PLXNA2: variants seen among roughly 807,000 people sequenced by gnomAD.
PLXNA2 encodes plexin-A2.
PLXNA2 carries 91 observed loss-of-function variants against 193.5 expected under a neutral mutation model. That is an observed-to-expected ratio of 0.47 (90% CI 0.40 to 0.56). PLXNA2 has a LOEUF of 0.56. Among genes scored for constraint, PLXNA2 ranks in the 20% least tolerant of loss-of-function variants. PLXNA2 has a pLI of 0.00. For missense variants in PLXNA2, 1,995 were observed against 2,503.2 expected (o/e 0.80, Z 4.33); for synonymous variants, 997 against 1,027.3 (o/e 0.97, Z 0.56).
chr1:208,180,738 G>T (rs1669816399), intron 3 of PLXNA2, among the ~76,000 whole-genome samples: 1 of 152,236 alleles, frequency 6.6e-6, no homozygotes, highest in South Asian at 2.1e-4. Flanking sequence ...AGTCTTCAGA[G>T]ATTTTGTCTG....
chr1:208,051,257 T>C lies in PLXNA2; in HGVS notation c.3160A>G (p.Ser1054Gly). The C allele has an allele frequency of 6.2e-7, 1 of 1,604,698 alleles. No homozygotes were observed. Among genetic ancestry groups the C allele is most frequent in the Non-Finnish European group, 8.5e-7 (1 of 1,173,644 alleles). Reference protein sequence around the residue: ...QRIEPEWSIASGHTPLTITGF... With the variant: ...QRIEPEWSIAGGHTPLTITGF... ...CATCCCTCCCACCTTCCACCTCACC[T>C]GGCAATGCTCCACTCTGGCTCGATG... Residue 1054 changes from serine (S) to glycine (G), a missense_variant and splice_region_variant, in exon 16 of 32, where the codon AGT (serine) becomes GGT (glycine). Coordinates refer to ENST00000367033, the MANE Select transcript of PLXNA2 (RefSeq NM_025179.4).
chr1:208,226,458 T>G (rs550193693), intron 1 of PLXNA2, among the ~76,000 whole-genome samples: 1 of 152,250 alleles, frequency 6.6e-6, no homozygotes, highest in South Asian at 2.1e-4. Flanking sequence ...ACTCACAGGC[T>G]ATAAAAGTTT....
At chr1:208,168,659 C>T (rs756980064) in intron 3 of PLXNA2, among the ~76,000 whole-genome samples, 2 of 149,696 alleles carry the variant, frequency 1.3e-5, no homozygotes, top group Non-Finnish European at 1.5e-5. Context: ...TTCAGCAGGC[C>T]CTCAGAGACT....
chr1:208,083,556 G>T (rs1423212482), intron 10 of PLXNA2, among the ~76,000 whole-genome samples: 1 of 151,904 alleles, frequency 6.6e-6, no homozygotes, highest in Non-Finnish European at 1.5e-5. Flanking sequence ...AAGCGCCTGT[G>T]ACCTGGGAAT....
intron 2 of PLXNA2, among the ~76,000 whole-genome samples, chr1:208,211,488 T>C (rs778445707): frequency 6.6e-6 from 1 of 152,108 alleles, no homozygotes; most frequent in Non-Finnish European, 1.5e-5. Context: ...AGTCAGGAGA[T>C]CGAGACCATT....
intron 22 of PLXNA2, 108 bp downstream of exon 22, chr1:208,041,990 T>C (rs542329095): frequency 1.9e-5 from 23 of 1,191,292 alleles, no homozygotes; most frequent in Non-Finnish European, 2.4e-5. Context: ...TGGGTGCCCC[T>C]TCTGGGGAGT....
intron 3 of PLXNA2, among the ~76,000 whole-genome samples, chr1:208,194,752 C>G (rs1446506292): frequency 2.0e-5 from 3 of 152,196 alleles, no homozygotes; most frequent in Non-Finnish European, 4.4e-5. Context: ...GCCCCTCCAT[C>G]TCCTTCTTTG....
intron 8 of PLXNA2, 80 bp downstream of exon 8, chr1:208,095,948 TA>T: frequency 9.0e-7 from 1 of 1,108,618 alleles, no homozygotes; most frequent in Non-Finnish European, 1.4e-6. Flanking sequence ...GTTCCTGCCC[TA>T]AAGGAGCTTA....
At chr1:208,051,837 A>G (rs1558166156) in intron 15 of PLXNA2, among the ~76,000 whole-genome samples, 1 of 152,234 alleles carries the variant, frequency 6.6e-6, no homozygotes, top group Admixed American at 6.5e-5. Context: ...TATCAGGTAG[A>G]TAATCCTGGG....
chr1:208,165,096 T>C (rs931263832), intron 3 of PLXNA2, among the ~76,000 whole-genome samples: 1 of 152,152 alleles, frequency 6.6e-6, no homozygotes, highest in Non-Finnish European at 1.5e-5. Context: ...ATGTTGCCTC[T>C]TTTCTAAGGC....
chr1:208,039,906 G>T, intron 23 of PLXNA2, 86 bp downstream of exon 23: 1 of 1,579,404 alleles, frequency 6.3e-7, no homozygotes, highest in African/African-American at 1.3e-5. Flanking sequence ...CGAGGGAGGG[G>T]GTCCCCATGC....
At chr1:208,039,523 C>T (rs1664790693) in intron 24 of PLXNA2, 98 bp downstream of exon 24, 1 of 1,528,386 alleles carries the variant, frequency 6.5e-7, no homozygotes, top group Non-Finnish European at 8.9e-7. Context: ...CTCCCATCCT[C>T]TTTATTGACC....
At chr1:208,136,337 A>G (rs1668300328) in intron 4 of PLXNA2, among the ~76,000 whole-genome samples, 1 of 152,254 alleles carries the variant, frequency 6.6e-6, no homozygotes, top group Admixed American at 6.5e-5. Flanking sequence ...TAACCAGAAC[A>G]GTGTGCCAAC....
Position 208,026,852 on chromosome 1 carries a change from T to G in PLXNA2, c.*391A>C, listed in dbSNP as rs1321607736. 6.5e-6 allele frequency: 1 copy of G among 154,552 alleles called. No homozygotes were observed. Among genetic ancestry groups the G allele is most frequent in the African/African-American group, 2.4e-5 (1 of 41,494 alleles). The allele number at this position is 154,552 out of a possible 1,614,324, so 9.6% of individuals were successfully genotyped here. A position where few individuals can be genotyped will look rare whatever the true frequency, so the allele number is the denominator to read the frequency against. On this transcript the variant is annotated 3_prime_UTR_variant, in exon 32 of 32. Transcript: ENST00000367033. ...TAACAGGGCGGCTTTTTGTTTTATT[T>G]CTGTTTTTTTCCCTTTTTCTTAAAA...
In PLXNA2 at chr1:208,028,957, G is replaced by A; in HGVS notation, c.5311C>T (p.Leu1771Phe). Residue 1771 changes from leucine to phenylalanine, a missense_variant, in exon 30 of 32, where the codon CTC (leucine) becomes TTC (phenylalanine). Leu to Phe is a conservative substitution (Grantham distance 22, BLOSUM62 0). This residue lies in a region of PLXNA2 where 1,291 missense variants were observed against 1,673.6 expected (regional missense o/e 0.77). Transcript: ENST00000367033. This position sits in a 1 kb window ranked among gnomAD's most constrained non-coding sequence, Gnocchi z 4.2. ...ATGAAGGTCTGGGCCACCACAGAGA[G>A]GCAGGCGTCCGTGATGCTGCCCTTG... ...IHKGSITDAC[L>F]SVVAQTFMDS... 6.2e-7 allele frequency: 1 copy of A among 1,614,154 alleles called. No individual in the cohort carries two copies. Among genetic ancestry groups the A allele is most frequent in the Non-Finnish European group, 8.5e-7 (1 of 1,180,024 alleles).
chr1:208,237,348 T>G (rs1222114862), intron 1 of PLXNA2, among the ~76,000 whole-genome samples: 1 of 152,186 alleles, frequency 6.6e-6, no homozygotes, highest in African/African-American at 2.4e-5. Flanking sequence ...ATAGCAGGAT[T>G]CTGGACACTT....
chr1:208,228,939 C>G (rs558968391), intron 1 of PLXNA2, among the ~76,000 whole-genome samples: 61 of 152,252 alleles, frequency 4.0e-4, no homozygotes, highest in African/African-American at 1.4e-3. Context: ...TCATGGCCCT[C>G]GGGTGATTTA....
At chr1:208,202,283 G>A (rs1252249590) in intron 3 of PLXNA2, among the ~76,000 whole-genome samples, 1 of 152,054 alleles carries the variant, frequency 6.6e-6, no homozygotes, top group Non-Finnish European at 1.5e-5. Flanking sequence ...CCTGGCCAGG[G>A]CAGCCATTTT....
At chr1:208,060,880 GA>G in intron 12 of PLXNA2, 43 bp from the exon 13 acceptor site, 1 of 1,597,724 alleles carries the variant, frequency 6.3e-7, no homozygotes, top group Non-Finnish European at 8.6e-7. Flanking sequence ...TTGGTCACAG[GA>G]ACAGAAACAG....
Sources: gnomAD v4.1 joint callset for allele counts (sites outside exome capture counted in the v4.1 genomes callset) on GRCh38, gnomAD v4.1.1 for gene constraint, gnomAD v4.1.1 regional missense constraint, Gnocchi (gnomAD v3.1) non-coding constraint, MANE v1.5 for transcripts, NCBI Gene and HGNC (gene_info 2026-07-23, HGNC 2026-07-21) for gene names.